The following DLC1 variants were observed in gnomAD, a reference collection of about 807,000 sequenced individuals.
DLC1 encodes DLC1 Rho GTPase activating protein, also known as rho GTPase-activating protein 7.
A neutral mutation model predicts 140.3 loss-of-function variants in DLC1; 54 were observed. The ratio of observed to expected loss-of-function variants is 0.38; its 90% CI spans 0.31 to 0.48. DLC1 has a LOEUF of 0.48. Ranked by LOEUF, DLC1 falls within the 20% of genes least tolerant of loss-of-function variation. DLC1 has a pLI of 0.96. For missense variants in DLC1, 2,536 were observed against 1,907.0 expected, an observed-to-expected ratio of 1.33 and a Z score of -6.14; for synonymous variants, 986 against 728.1, an observed-to-expected ratio of 1.35 and a Z score of -5.70.
chr8:13,354,042 C>CTTTTT (rs57814327), intron 4 of DLC1, among the ~76,000 whole-genome samples: 1 of 146,952 alleles, frequency 6.8e-6, no homozygotes. Flanking sequence ...ACATACTGAA[C>CTTTTT]TTTTTTTTTT....
In DLC1 at chr8:13,528,885, G is replaced by A. The variant is rs1284094497; in HGVS notation, c.-125-28689C>T. Among the ~76,000 whole-genome samples, 5 of 152,256 alleles carry A rather than the reference G, an allele frequency of 3.3e-5. No individual in the cohort carries two copies. In the East Asian group the frequency reaches 7.7e-4, roughly 24 times the overall value. On this transcript the variant is annotated intron_variant, in intron 1 of 1. Coordinates refer to the DLC1 transcript ENST00000631382. Reference sequence around the variant, plus strand: ...TGGTCTCCATAACTGTTTTCTCTGGGTTGTACAACAGTGAAGCCAATCTGA... The same window carrying A: ...TGGTCTCCATAACTGTTTTCTCTGGATTGTACAACAGTGAAGCCAATCTGA...
chr8:13,229,279 C>T (rs1198780545), intron 5 of DLC1, among the ~76,000 whole-genome samples: 4 of 152,232 alleles, frequency 2.6e-5, no homozygotes, highest in African/African-American at 7.2e-5. Context: ...TATTGATCCA[C>T]GCTACAACAT....
At chr8:13,508,426 T>TTTG (rs1355812025) in intron 1 of DLC1, among the ~76,000 whole-genome samples, 3 of 151,148 alleles carry the variant, frequency 2.0e-5, no homozygotes, top group Admixed American at 6.6e-5. Context: ...TCTTTTTCTT[T>TTTG]TTTTTTTTTG....
In DLC1 at chr8:13,115,599, T is replaced by C. The variant is rs1172413995; in HGVS notation, c.1407A>G (p.Ala469=). 4.3e-6 allele frequency: 7 copies of C among 1,613,912 alleles called. No individual in the cohort carries two copies. Among genetic ancestry groups the C allele is most frequent in the African/African-American group, 1.3e-5 (1 of 74,932 alleles). ...WLRATGFPQY[A]QLYEDFLFPI... ...TTCCCAGCTTACCTTCATAAAGCTG[T>C]GCATACTGGGGGAAACCAGTTGCCC... The change falls in exon 6 of 18, where the codon GCA becomes GCG. Residue 469 remains alanine, a synonymous_variant. Coordinates refer to ENST00000276297, the MANE Select transcript of DLC1 (RefSeq NM_182643.3).
At chr8:13,315,106 A>G (rs1192597884) in intron 4 of DLC1, among the ~76,000 whole-genome samples, 1 of 152,178 alleles carries the variant, frequency 6.6e-6, no homozygotes, top group Non-Finnish European at 1.5e-5. Context: ...AGTTTATGAC[A>G]CTGAAGACTA....
intron 2 of DLC1, among the ~76,000 whole-genome samples, chr8:13,489,862 C>T (rs904148721): frequency 2.0e-5 from 3 of 152,208 alleles, no homozygotes; most frequent in African/African-American, 4.8e-5. Flanking sequence ...AATAATTCTG[C>T]ACTCCAATTA....
chr8:13,295,333 T>C (rs912390817), intron 5 of DLC1, among the ~76,000 whole-genome samples: 3 of 152,244 alleles, frequency 2.0e-5, no homozygotes, highest in African/African-American at 7.2e-5. Flanking sequence ...CAGCACTCTT[T>C]AGTGAGTATT....
chr8:13,565,564 A>G (rs901732600), intron 1 of DLC1, among the ~76,000 whole-genome samples: 3 of 152,226 alleles, frequency 2.0e-5, no homozygotes, highest in African/African-American at 4.8e-5. Flanking sequence ...CTTATCTTCA[A>G]CAGGAAGCTG....
chr8:13,514,908 C>T, upstream of DLC1: 2 of 342,142 alleles, frequency 5.8e-6, no homozygotes. Context: ...AAAGTATTTC[C>T]TGCCTCTGAG....
At chr8:13,097,069 T>G (rs981661614) in intron 10 of DLC1, among the ~76,000 whole-genome samples, 15 of 152,194 alleles carry the variant, frequency 9.9e-5, no homozygotes, top group Non-Finnish European at 1.6e-4. Context: ...TAAGGAGCTA[T>G]ATTTTTCAAA....
At chr8:13,458,485 C>G (rs1210681786) in intron 2 of DLC1, among the ~76,000 whole-genome samples, 1 of 152,094 alleles carries the variant, frequency 6.6e-6, no homozygotes, top group Non-Finnish European at 1.5e-5. Context: ...ATAGAGTGAG[C>G]TCATTAAGTA....
chr8:13,103,107 G>A (rs895647473), intron 7 of DLC1, among the ~76,000 whole-genome samples: 11 of 151,732 alleles, frequency 7.2e-5, no homozygotes, highest in African/African-American at 2.4e-4. Context: ...TCAGGAGAGC[G>A]AGACCATCCT....
intron 13 of DLC1, 33 bp downstream of exon 13, chr8:13,092,579 C>A (rs766679826): frequency 5.0e-6 from 8 of 1,603,568 alleles, no homozygotes; most frequent in African/African-American, 2.7e-5. Flanking sequence ...TAGGCTGCCC[C>A]CTGTGTGCAT....
intron 5 of DLC1, among the ~76,000 whole-genome samples, chr8:13,253,533 G>C (rs1386569352): frequency 6.6e-6 from 1 of 152,064 alleles, no homozygotes; most frequent in African/African-American, 2.4e-5. Context: ...AGGGAAAACA[G>C]CTATCAAAAA....
intron 5 of DLC1, among the ~76,000 whole-genome samples, chr8:13,152,443 C>T (rs573448547): frequency 2.2e-4 from 33 of 152,186 alleles, no homozygotes; most frequent in African/African-American, 6.7e-4. Context: ...TTAATTAAAG[C>T]GTCTTTATTT....
intron 5 of DLC1, among the ~76,000 whole-genome samples, chr8:13,171,715 A>G (rs1430952743): frequency 6.6e-6 from 1 of 152,160 alleles, no homozygotes; most frequent in Non-Finnish European, 1.5e-5. Context: ...AGTAGTTTAC[A>G]CAGAGGAGAA....
intron 2 of DLC1, among the ~76,000 whole-genome samples, chr8:13,444,636 G>T (rs557327802): frequency 4.6e-5 from 7 of 152,052 alleles, no homozygotes; most frequent in Non-Finnish European, 7.4e-5. Flanking sequence ...TTAAATATAG[G>T]CTACAGTACT....
intron 1 of DLC1, among the ~76,000 whole-genome samples, chr8:13,576,176 A>G (rs1455662907): frequency 6.6e-6 from 1 of 152,216 alleles, no homozygotes; most frequent in Non-Finnish European, 1.5e-5. Context: ...CATCATGTAT[A>G]GTTTTAATAC....
chr8:13,567,108 C>G, intron 1 of DLC1: 1 of 1,551,772 alleles, frequency 6.4e-7, no homozygotes, highest in Non-Finnish European at 8.7e-7. Flanking sequence ...GCTCATTCAG[C>G]TCCTCTGGAG....
Sources: allele counts gnomAD v4.1 joint callset (sites outside exome capture counted in the v4.1 genomes callset), GRCh38; gene constraint gnomAD v4.1.1; transcripts MANE v1.5; gene names NCBI Gene and HGNC (gene_info 2026-07-23, HGNC 2026-07-21).